PDE4D: variants seen among roughly 807,000 people sequenced by gnomAD.
The protein encoded by PDE4D is phosphodiesterase 4D.
A neutral mutation model predicts 87.4 loss-of-function variants in PDE4D; 24 were observed. The ratio of observed to expected loss-of-function variants is 0.27; its 90% CI spans 0.20 to 0.39. The LOEUF (loss-of-function observed/expected upper bound fraction) is 0.39, where lower values mean the gene tolerates loss of function less well. Among genes scored for constraint, PDE4D ranks in the 10% least tolerant of loss-of-function variants. PDE4D has a pLI of 1.00. For synonymous variants in PDE4D, 384 were observed against 383.2 expected (o/e 1.00, Z -0.02); for missense variants, 714 against 1,041.0 (o/e 0.69, Z 4.32).
intron 1 of PDE4D, among the ~76,000 whole-genome samples, chr5:59,612,781 G>C (rs1245918299): frequency 6.6e-6 from 1 of 152,070 alleles, no homozygotes. Context: ...TGGCATATCA[G>C]GCTGATGCAA....
At chr5:59,637,126 T>G (rs961962368) in intron 1 of PDE4D, among the ~76,000 whole-genome samples, 87 of 152,126 alleles carry the variant, frequency 5.7e-4, no homozygotes, top group Non-Finnish European at 6.8e-4. Flanking sequence ...TTTATGCATA[T>G]GAACAAGCAT....
intron 2 of PDE4D, among the ~76,000 whole-genome samples, chr5:60,179,175 G>A (rs1784176080): frequency 1.3e-5 from 2 of 152,122 alleles, no homozygotes; most frequent in South Asian, 4.1e-4. Flanking sequence ...CCCCATGTGT[G>A]TGGCGTATGA....
At chr5:59,316,498 T>G (rs2153568993) in intron 1 of PDE4D, among the ~76,000 whole-genome samples, 1 of 152,294 alleles carries the variant, frequency 6.6e-6, no homozygotes, top group African/African-American at 2.4e-5. Context: ...AACTACAGCA[T>G]CTTAAAGTGA....
In PDE4D at chr5:59,737,715, T is replaced by G. The variant is rs191681377; in HGVS notation, c.455+155453A>C. 6.0e-4 allele frequency among the ~76,000 whole-genome samples: 91 copies of G among 152,202 alleles called. 2 individuals are homozygous for G. The highest frequency in any genetic ancestry group is 2.2e-3 in the African/African-American group (90 of 41,558). On this transcript the variant is annotated intron_variant, in intron 1 of 14. Transcript: ENST00000340635. ...TTGCAAAGATCTGAATGTTTAATAT[T>G]ATTTTTATATATTGCTATTGACCCA...
intron 1 of PDE4D, among the ~76,000 whole-genome samples, chr5:60,340,849 T>G (rs888627208): frequency 1.3e-5 from 2 of 152,084 alleles, no homozygotes; most frequent in African/African-American, 4.8e-5. Flanking sequence ...TAAACACAAA[T>G]ATCAGCCTTT....
chr5:59,770,187 T>C (rs749239014), intron 1 of PDE4D, among the ~76,000 whole-genome samples: 4 of 152,196 alleles, frequency 2.6e-5, no homozygotes, highest in Non-Finnish European at 2.9e-5. Flanking sequence ...TTTTGTCACT[T>C]TACATCATTA....
chr5:59,874,170 C>T (rs184967393), intron 1 of PDE4D, among the ~76,000 whole-genome samples: 106 of 152,122 alleles, frequency 7.0e-4, no homozygotes, highest in Non-Finnish European at 1.2e-3. Context: ...GCCACTGCAC[C>T]CCAGCCTGAG....
At chr5:59,650,968 AT>A (rs1284500873) in intron 1 of PDE4D, among the ~76,000 whole-genome samples, 1 of 152,124 alleles carries the variant, frequency 6.6e-6, no homozygotes, top group African/African-American at 2.4e-5. Flanking sequence ...TATAAAAATA[AT>A]TGTTGGCCGG....
intron 3 of PDE4D, among the ~76,000 whole-genome samples, chr5:59,916,629 C>T (rs1227023061): frequency 2.6e-5 from 4 of 152,144 alleles, no homozygotes; most frequent in Non-Finnish European, 4.4e-5. Context: ...ACCATTTAAT[C>T]ACATTGTTGT....
At chr5:59,752,153 C>T (rs1036122633) in intron 1 of PDE4D, among the ~76,000 whole-genome samples, 1 of 152,108 alleles carries the variant, frequency 6.6e-6, no homozygotes, top group African/African-American at 2.4e-5. Flanking sequence ...AAAGACAATG[C>T]CCCAATAACA....
intron 5 of PDE4D, among the ~76,000 whole-genome samples, chr5:59,098,431 C>T (rs1005987558): frequency 6.6e-6 from 1 of 151,936 alleles, no homozygotes; most frequent in Non-Finnish European, 1.5e-5. Flanking sequence ...GGCATGTTGG[C>T]TCATGCCTTT....
chr5:59,436,659 A>G (rs1256695330), intron 1 of PDE4D, among the ~76,000 whole-genome samples: 1 of 152,218 alleles, frequency 6.6e-6, no homozygotes, highest in Non-Finnish European at 1.5e-5. Context: ...CTTTTGATCA[A>G]ATCAATCAAC....
At chr5:60,093,459 C>G in intron 2 of PDE4D, among the ~76,000 whole-genome samples, 2 of 152,238 alleles carry the variant, frequency 1.3e-5, no homozygotes, top group South Asian at 4.1e-4. Context: ...TACCAGTTTT[C>G]ATATCAGGGC....
chr5:59,198,337 A>AT (rs1184418629), intron 2 of PDE4D, among the ~76,000 whole-genome samples: 7 of 152,246 alleles, frequency 4.6e-5, no homozygotes, highest in Admixed American at 2.6e-4. Flanking sequence ...GCACACATGT[A>AT]TACATGTATG....
intron 1 of PDE4D, among the ~76,000 whole-genome samples, chr5:59,811,990 C>T (rs985114159): frequency 2.6e-5 from 4 of 152,170 alleles, no homozygotes; most frequent in East Asian, 1.9e-4. Context: ...GAGCCTAGCG[C>T]GAGGAAAGTG....
chr5:59,327,073 A>G (rs1175229753), intron 1 of PDE4D, among the ~76,000 whole-genome samples: 1 of 151,730 alleles, frequency 6.6e-6, no homozygotes, highest in African/African-American at 2.4e-5. Flanking sequence ...AGAAATATCT[A>G]TGGAATGAAT....
At chr5:59,751,574 GGTGTGTGTGTGTGTGTGT>G (rs57407769) in intron 1 of PDE4D, among the ~76,000 whole-genome samples, 4 of 142,630 alleles carry the variant, frequency 2.8e-5, no homozygotes, top group Non-Finnish European at 4.6e-5. Flanking sequence ...ATAAATCCCT[GGTGTGTGTGTGTGTGTGT>G]GTGTGTGTGT....
intron 1 of PDE4D, among the ~76,000 whole-genome samples, chr5:59,549,064 C>T (rs1367594134): frequency 2.6e-5 from 4 of 152,072 alleles, no homozygotes; most frequent in African/African-American, 9.7e-5. Context: ...CTCCTCAGGG[C>T]AAAGGCACTA....
chr5:59,069,709 C>A (rs1280620693), intron 5 of PDE4D, among the ~76,000 whole-genome samples: 1 of 151,990 alleles, frequency 6.6e-6, no homozygotes, highest in Non-Finnish European at 1.5e-5. Flanking sequence ...GCACCATTAA[C>A]CTGGTCTACT....
Sources: allele counts gnomAD v4.1 joint callset (sites outside exome capture counted in the v4.1 genomes callset), GRCh38; gene constraint gnomAD v4.1.1; transcripts MANE v1.5; gene names NCBI Gene and HGNC (gene_info 2026-07-23, HGNC 2026-07-21).